Variants in UBE2U observed in about 807,000 individuals in gnomAD.
The protein encoded by UBE2U is ubiquitin-conjugating enzyme E2 U.
Under a neutral mutation model 41.2 loss-of-function variants are expected in UBE2U, and 39 were observed. The ratio of observed to expected loss-of-function variants is 0.95; its 90% CI spans 0.73 to 1.24. The LOEUF (loss-of-function observed/expected upper bound fraction) is 1.24. Among genes scored for constraint, UBE2U ranks in the 50% most tolerant of loss-of-function variants. The pLI is 0.00. For missense variants in UBE2U, 336 were observed against 363.1 expected, an observed-to-expected ratio of 0.93 and a Z score of 0.61; for synonymous variants, 107 against 117.8, an observed-to-expected ratio of 0.91 and a Z score of 0.60.
intron 8 of UBE2U, among the ~76,000 whole-genome samples, chr1:64,256,679 T>C (rs760330643): frequency 3.9e-5 from 6 of 152,152 alleles, no homozygotes; most frequent in Non-Finnish European, 7.4e-5. Context: ...GATGAAAATC[T>C]AGGCAATACC....
chr1:64,266,466 T>A (rs917495247), intron 9 of UBE2U, among the ~76,000 whole-genome samples: 1 of 152,182 alleles, frequency 6.6e-6, no homozygotes, highest in African/African-American at 2.4e-5. Flanking sequence ...TAATAATACC[T>A]GCCCATCACA....
chr1:64,252,662 C>T (rs902866163), intron 8 of UBE2U, among the ~76,000 whole-genome samples: 5 of 152,168 alleles, frequency 3.3e-5, no homozygotes, highest in African/African-American at 1.2e-4. Context: ...AGCAGCCCTA[C>T]ATTTGCTAAC....
intron 7 of UBE2U, among the ~76,000 whole-genome samples, chr1:64,239,074 G>GAA (rs1557729389): frequency 3.2e-5 from 2 of 62,752 alleles, no homozygotes; most frequent in African/African-American, 6.9e-5. Flanking sequence ...AAGAGGAAGA[G>GAA]GAAGAGGAAG....
At chr1:64,217,479 G>C (rs1652108156) in intron 5 of UBE2U, among the ~76,000 whole-genome samples, 1 of 152,062 alleles carries the variant, frequency 6.6e-6, no homozygotes, top group Non-Finnish European at 1.5e-5. Flanking sequence ...CCTTTTTTCA[G>C]TTCATCCTTG....
chr1:64,238,096 T>C (rs905126930), intron 7 of UBE2U, among the ~76,000 whole-genome samples: 20 of 152,182 alleles, frequency 1.3e-4, no homozygotes, highest in Non-Finnish European at 2.5e-4. Context: ...CTATTTTACA[T>C]GTGCCTAGCA....
intron 1 of UBE2U, among the ~76,000 whole-genome samples, chr1:64,204,847 T>G (rs1325388591): frequency 6.6e-6 from 1 of 152,194 alleles, no homozygotes; most frequent in Non-Finnish European, 1.5e-5. Context: ...TTTTTACCTC[T>G]GCTATAAAAG....
At chr1:64,246,600 T>C (rs181313023) in intron 8 of UBE2U, among the ~76,000 whole-genome samples, 16 of 152,270 alleles carry the variant, frequency 1.1e-4, no homozygotes, top group Admixed American at 9.8e-4. Flanking sequence ...GGAAAAATTA[T>C]AAACAAAGGG....
At chr1:64,261,534 C>T (rs914623024) in intron 9 of UBE2U, among the ~76,000 whole-genome samples, 1 of 152,214 alleles carries the variant, frequency 6.6e-6, no homozygotes, top group Admixed American at 6.5e-5. Context: ...TCCAAGGGCC[C>T]TGCCCCCGTA....
intron 9 of UBE2U, among the ~76,000 whole-genome samples, chr1:64,265,485 A>G (rs907538904): frequency 2.0e-5 from 3 of 152,224 alleles, no homozygotes; most frequent in African/African-American, 7.2e-5. Flanking sequence ...AAATATTAGT[A>G]CCGAAAGTAC....
chr1:64,222,338 G>C (rs1652550684), intron 6 of UBE2U, among the ~76,000 whole-genome samples: 2 of 152,120 alleles, frequency 1.3e-5, no homozygotes. Context: ...GATATCAAAA[G>C]TTATTACTCT....
chr1:64,230,254 ACTC>A (rs1644531694), intron 6 of UBE2U, among the ~76,000 whole-genome samples: 1 of 151,566 alleles, frequency 6.6e-6, no homozygotes. Context: ...TCCCTTCTAT[ACTC>A]CACCCTGCTT....
chr1:64,266,948 T>A, intron 9 of UBE2U, 76 bp from the exon 10 acceptor site: 1 of 1,357,112 alleles, frequency 7.4e-7, no homozygotes, highest in Non-Finnish European at 1.0e-6. Flanking sequence ...ATCCTACAAA[T>A]GCAGGAACAC....
intron 6 of UBE2U, among the ~76,000 whole-genome samples, chr1:64,221,311 C>A (rs766707650): frequency 1.3e-5 from 2 of 152,142 alleles, no homozygotes; most frequent in Non-Finnish European, 2.9e-5. Flanking sequence ...TGGGGTTTCA[C>A]CATGTTGGTC....
chr1:64,204,463 CA>C lies in UBE2U; in HGVS notation c.66+352del, dbSNP rs558912836. Reference sequence around the variant, plus strand: ...ATAAGTAGTATTTCATTTTACTTACCAAAAACCTAAGCCTCAGAAATATTCT... The same window carrying C: ...ATAAGTAGTATTTCATTTTACTTACCAAAACCTAAGCCTCAGAAATATTCT... On this transcript the variant is annotated intron_variant, in intron 1 of 9. Coordinates refer to ENST00000371077, the MANE Select transcript of UBE2U (RefSeq NM_001366232.2). Among the ~76,000 whole-genome samples, 23 of 152,128 alleles carry C rather than the reference CA, an allele frequency of 1.5e-4. No individual in the cohort carries two copies. In the East Asian group the frequency reaches 4.4e-3, roughly 29 times the overall value.
chr1:64,225,759 C>T (rs532770336), intron 6 of UBE2U, among the ~76,000 whole-genome samples: 2 of 152,242 alleles, frequency 1.3e-5, no homozygotes, highest in Admixed American at 1.3e-4. Flanking sequence ...AGGGTAATTA[C>T]TAGATTTGGG....
chr1:64,211,287 C>A (rs943506607), intron 4 of UBE2U, among the ~76,000 whole-genome samples: 3 of 152,148 alleles, frequency 2.0e-5, no homozygotes, highest in African/African-American at 7.2e-5. Context: ...TAGTTAGCTA[C>A]TTTCTGTCCC....
At chr1:64,248,155 T>C (rs1644951656) in intron 8 of UBE2U, among the ~76,000 whole-genome samples, 1 of 152,188 alleles carries the variant, frequency 6.6e-6, no homozygotes, top group African/African-American at 2.4e-5. Context: ...TTCTTTGGTG[T>C]TCTGCTCCCA....
intron 4 of UBE2U, among the ~76,000 whole-genome samples, chr1:64,214,484 A>T (rs1420826743): frequency 1.3e-5 from 2 of 152,174 alleles, no homozygotes; most frequent in Admixed American, 6.5e-5. Flanking sequence ...AATATTTTGA[A>T]TTTTAAATAC....
rs1651257427 is a variant in UBE2U at position 64,205,784 on chromosome 1, C to T, written c.148+64C>T. The stretch of plus-strand genomic sequence containing the variant: ...CTTTATACCATTATTAGCCCATCCT[C>T]TTTTTATGTAGGATAAGGTCGCATT... On this transcript the variant is annotated intron_variant, in intron 2 of 9. Transcript: ENST00000371077. 7 of 1,336,376 alleles carry T rather than the reference C, an allele frequency of 5.2e-6. No individual in the cohort carries two copies. In the South Asian group the frequency reaches 8.8e-5, roughly 17 times the overall value. 82.8% of individuals were successfully genotyped at this position (1,336,376 alleles called of 1,614,324 possible). A position where few individuals can be genotyped will look rare whatever the true frequency, so the allele number is the denominator to read the frequency against.
Sources: gnomAD v4.1 joint callset for allele counts (sites outside exome capture counted in the v4.1 genomes callset) on GRCh38, gnomAD v4.1.1 for gene constraint, MANE v1.5 for transcripts, NCBI Gene and HGNC (gene_info 2026-07-23, HGNC 2026-07-21) for gene names.